Variants in TMPO observed in about 807,000 individuals in gnomAD.
TMPO encodes the protein thymopoietin.
A neutral mutation model predicts 45.4 loss-of-function variants in TMPO; 22 were observed. The ratio of observed to expected loss-of-function variants is 0.48; its 90% CI spans 0.35 to 0.69. The LOEUF (loss-of-function observed/expected upper bound fraction) is 0.69. Ranked by LOEUF, TMPO falls within the 30% of genes least tolerant of loss-of-function variation. The pLI is 0.01. For synonymous variants in TMPO, 241 were observed against 204.1 expected (o/e 1.18, Z -1.54); for missense variants, 512 against 548.8 (o/e 0.93, Z 0.67).
At chr12:98,531,232 G>A (rs968576743) in intron 2 of TMPO, among the ~76,000 whole-genome samples, 1 of 127,730 alleles carries the variant, frequency 7.8e-6, no homozygotes, top group East Asian at 2.0e-4. Flanking sequence ...CAGCCACCAC[G>A]TCCTTTTTTT....
At chr12:98,542,607 A>C (rs935098989) in intron 4 of TMPO, among the ~76,000 whole-genome samples, 3 of 152,188 alleles carry the variant, frequency 2.0e-5, no homozygotes, top group African/African-American at 4.8e-5. Context: ...CACACCTGTA[A>C]TCCCCGCACT....
intron 3 of TMPO, chr12:98,534,132 C>T (rs760767090): frequency 1.9e-6 from 3 of 1,613,898 alleles, no homozygotes; most frequent in South Asian, 2.2e-5. Flanking sequence ...ATGATGCAGC[C>T]TCATATATTT....
At chr12:98,544,148 G>A (rs1022821343) in intron 4 of TMPO, 82 bp from the exon 5 acceptor site, 4 of 1,496,496 alleles carry the variant, frequency 2.7e-6, no homozygotes, top group South Asian at 2.3e-5. Context: ...TCTATTTCAT[G>A]GCTTCTCAGT....
At chr12:98,521,099 A>ATTTTTTTTTTTTTTTTT (rs1565804759) in intron 1 of TMPO, among the ~76,000 whole-genome samples, 7 of 93,052 alleles carry the variant, frequency 7.5e-5, no homozygotes, top group Middle Eastern at 5.6e-3. Context: ...GTTTATGAGG[A>ATTTTTTTTTTTTTTTTT]ATTTTTTTTT....
chr12:98,545,131 T>G (rs1299954076), intron 7 of TMPO, 70 bp downstream of exon 7: 11 of 785,118 alleles, frequency 1.4e-5, no homozygotes, highest in African/African-American at 4.4e-5. Context: ...ATTTGTTTGT[T>G]TTTTTTTTTT....
At chr12:98,540,833 C>T (rs187285800) in intron 4 of TMPO, among the ~76,000 whole-genome samples, 58 of 152,280 alleles carry the variant, frequency 3.8e-4, no homozygotes, top group Non-Finnish European at 7.2e-4. Context: ...CTTCCTGTTA[C>T]ATCGTTTTAG....
At position 98,515,780 on chromosome 12, in the gene TMPO, G is replaced by T; in HGVS notation, c.-88G>T. The T allele has an allele frequency of 1.9e-6, 3 of 1,549,838 alleles. No individual in the cohort carries two copies. The highest frequency in any genetic ancestry group is 2.6e-6 in the Non-Finnish European group (3 of 1,147,534). ...GGCAGGAGCCGTGAGGCTCGGAGGCGGCAGCGCGGTCCCCGGCCAGGAGCA... is the reference window on the plus strand; with the variant it reads ...GGCAGGAGCCGTGAGGCTCGGAGGCTGCAGCGCGGTCCCCGGCCAGGAGCA... On this transcript the variant is annotated 5_prime_UTR_variant, in exon 1 of 9. Transcript: ENST00000556029.
intron 1 of TMPO, among the ~76,000 whole-genome samples, chr12:98,525,824 A>T (rs943219370): frequency 1.3e-5 from 2 of 152,196 alleles, no homozygotes; most frequent in African/African-American, 4.8e-5. Flanking sequence ...ATTCCAGTAC[A>T]TAGTCAAATC....
At chr12:98,532,348 T>C (rs1253313744) in intron 3 of TMPO, 14 of 164,738 alleles carry the variant, frequency 8.5e-5, no homozygotes, top group Admixed American at 8.3e-4. Flanking sequence ...TAATTACATA[T>C]CTGTTTATTC....
intron 3 of TMPO, chr12:98,533,039 T>G: frequency 6.2e-7 from 1 of 1,613,606 alleles, no homozygotes; most frequent in South Asian, 1.1e-5. Context: ...GCCACAAACT[T>G]GCCTGGCAGG....
At chr12:98,517,763 CTTT>C (rs1420336150) in intron 1 of TMPO, among the ~76,000 whole-genome samples, 3 of 152,236 alleles carry the variant, frequency 2.0e-5, no homozygotes, top group Non-Finnish European at 2.9e-5. Context: ...CGGAAAGCTT[CTTT>C]AATTTCTTAA....
chr12:98,537,423 A>G (rs1217661387), intron 3 of TMPO, 52 bp from the exon 4 acceptor site: 5 of 1,428,318 alleles, frequency 3.5e-6, no homozygotes, highest in East Asian at 2.3e-5. Context: ...GGATAACATC[A>G]TCATTTATTG....
chr12:98,537,303 A>G (rs988055012), intron 3 of TMPO, among the ~76,000 whole-genome samples, 172 bp from the exon 4 acceptor site: 1 of 152,190 alleles, frequency 6.6e-6, no homozygotes, highest in Non-Finnish European at 1.5e-5. Context: ...ATAATGAAAC[A>G]GTTTTCAAGA....
At chr12:98,541,171 G>A (rs372431564) in intron 4 of TMPO, among the ~76,000 whole-genome samples, 1 of 152,074 alleles carries the variant, frequency 6.6e-6, no homozygotes, top group African/African-American at 2.4e-5. Flanking sequence ...AGACGTCCCA[G>A]GCTCATGTAT....
chr12:98,535,731 C>A, intron 3 of TMPO: 1 of 855,626 alleles, frequency 1.2e-6, no homozygotes, highest in Non-Finnish European at 1.4e-6. Flanking sequence ...TCCATTTCAT[C>A]ATTGAAACTC....
intron 1 of TMPO, among the ~76,000 whole-genome samples, chr12:98,526,834 T>G (rs1052351112): frequency 1.1e-4 from 16 of 152,038 alleles, no homozygotes; most frequent in African/African-American, 3.9e-4. Flanking sequence ...GGCGCACACC[T>G]GTACTCTCAG....
At chr12:98,543,038 A>AT (rs1878016216) in intron 4 of TMPO, among the ~76,000 whole-genome samples, 1 of 152,170 alleles carries the variant, frequency 6.6e-6, no homozygotes. Flanking sequence ...CCAAATATAG[A>AT]TAAATACAAA....
chr12:98,543,438 C>T (rs562874079), intron 4 of TMPO, among the ~76,000 whole-genome samples: 2 of 152,300 alleles, frequency 1.3e-5, no homozygotes, highest in East Asian at 3.9e-4. Context: ...TTGATAGGCA[C>T]ATTACAATTT....
At chr12:98,518,959 G>A (rs1303666863) in intron 1 of TMPO, among the ~76,000 whole-genome samples, 1 of 151,616 alleles carries the variant, frequency 6.6e-6, no homozygotes, top group East Asian at 1.9e-4. Flanking sequence ...TTGGCTCACT[G>A]CAAGCTCTGC....
Sources: allele counts gnomAD v4.1 joint callset (sites outside exome capture counted in the v4.1 genomes callset), GRCh38; gene constraint gnomAD v4.1.1; transcripts MANE v1.5; gene names NCBI Gene and HGNC (gene_info 2026-07-23, HGNC 2026-07-21).